SH3GL3: variants seen among roughly 807,000 people sequenced by gnomAD.
SH3GL3 encodes endophilin-A3.
Under a neutral mutation model 47.7 loss-of-function variants are expected in SH3GL3, and 33 were observed. That is an observed-to-expected ratio of 0.69 (90% CI 0.52 to 0.92). The LOEUF is 0.92. SH3GL3 is among the 40% of genes least tolerant of loss of function. The probability of loss-of-function intolerance (pLI) is 0.00; values close to 1 mark genes in which losing one functional copy is unlikely to be tolerated. For missense variants in SH3GL3, 363 were observed against 417.8 expected, an observed-to-expected ratio of 0.87 and a Z score of 1.14; for synonymous variants, 155 against 148.8, an observed-to-expected ratio of 1.04 and a Z score of -0.30.
chr15:83,519,074 T>TG (rs2043105077), intron 1 of SH3GL3, among the ~76,000 whole-genome samples: 1 of 152,200 alleles, frequency 6.6e-6, no homozygotes, highest in Non-Finnish European at 1.5e-5. Context: ...TACTGTAGCC[T>TG]TATAGTACTG....
intron 1 of SH3GL3, among the ~76,000 whole-genome samples, chr15:83,457,878 G>T (rs2040075479): frequency 6.6e-6 from 1 of 152,024 alleles, no homozygotes; most frequent in Non-Finnish European, 1.5e-5. Flanking sequence ...AGGACTTTTT[G>T]TTCTATAAAG....
In SH3GL3 at chr15:83,584,207, G is replaced by T. The variant is rs141859337; in HGVS notation, c.625-2776G>T. Among the ~76,000 whole-genome samples, 481 of 152,198 alleles carry T rather than the reference G, an allele frequency of 3.2e-3. 1 individual carries two copies. The highest frequency in any genetic ancestry group is 5.1e-3 in the Non-Finnish European group (345 of 68,008). Reference sequence around the variant, plus strand: ...ATTCTTCGCTTCCTCCCTCTTCACAGCCAGCGGCACAGCATCTTCACGTAT... The same window carrying T: ...ATTCTTCGCTTCCTCCCTCTTCACATCCAGCGGCACAGCATCTTCACGTAT... On this transcript the variant is annotated intron_variant, in intron 6 of 8. Transcript: ENST00000427482.
intron 1 of SH3GL3, among the ~76,000 whole-genome samples, chr15:83,534,776 C>T (rs2043832998): frequency 6.6e-6 from 1 of 152,088 alleles, no homozygotes; most frequent in Non-Finnish European, 1.5e-5. Context: ...TAGAATGACC[C>T]TCAAATACCA....
chr15:83,494,941 G>A (rs1324450879), intron 1 of SH3GL3, among the ~76,000 whole-genome samples: 3 of 152,126 alleles, frequency 2.0e-5, no homozygotes, highest in Non-Finnish European at 4.4e-5. Context: ...AGCGGAAGAG[G>A]GTGCTGTGGT....
chr15:83,582,911 C>T (rs1392593255), intron 6 of SH3GL3, among the ~76,000 whole-genome samples: 4 of 152,218 alleles, frequency 2.6e-5, no homozygotes, highest in Non-Finnish European at 5.9e-5. Flanking sequence ...CTTACTCAAA[C>T]TTTCTCAGAA....
chr15:83,626,111 C>T, the SH3GL3 span, among the ~76,000 whole-genome samples: 8 of 152,138 alleles, frequency 5.3e-5, no homozygotes, highest in African/African-American at 1.9e-4. Context: ...AGATTACAGG[C>T]ATGAGCTATC....
At position 83,447,719 on chromosome 15, in the gene SH3GL3, TG is replaced by T; in HGVS notation, c.45+145del. 3.6e-6 allele frequency: 2 copies of T among 548,250 alleles called. No individual in the cohort carries two copies. The highest frequency in any genetic ancestry group is 6.0e-6 in the Non-Finnish European group (2 of 330,794). 34.0% of individuals were successfully genotyped at this position (548,250 alleles called of 1,614,324 possible). A position where few individuals can be genotyped will look rare whatever the true frequency, so the allele number is the denominator to read the frequency against. On this transcript the variant is annotated intron_variant, in intron 1 of 8. Coordinates refer to ENST00000427482, the MANE Select transcript of SH3GL3 (RefSeq NM_003027.5). This position sits in a 1 kb window ranked among gnomAD's most constrained non-coding sequence, Gnocchi z 5.1. ...CTTCCCGCCTAGGAGGGCGCGAGGG[TG>T]GGGTGAGGGGCCGCCTGCTCTCTCC...
At chr15:83,496,226 G>T (rs1312219433) in intron 1 of SH3GL3, among the ~76,000 whole-genome samples, 1 of 151,680 alleles carries the variant, frequency 6.6e-6, no homozygotes, top group Non-Finnish European at 1.5e-5. Flanking sequence ...GCGTGGTGGT[G>T]CACGTGCCTG....
chr15:83,576,877 C>T (rs2059696122), intron 6 of SH3GL3, 136 bp downstream of exon 6: 2 of 384,652 alleles, frequency 5.2e-6, no homozygotes. Context: ...ACATAAAATA[C>T]ACTAATACTA....
At chr15:83,484,805 G>A (rs2041520073) in intron 1 of SH3GL3, among the ~76,000 whole-genome samples, 1 of 152,164 alleles carries the variant, frequency 6.6e-6, no homozygotes, top group African/African-American at 2.4e-5. Flanking sequence ...CTGACATGAA[G>A]CACATTTTCA....
rs187336359 is a variant in SH3GL3 at position 83,577,189 on chromosome 15, G to A, written c.624+448G>A. Among the ~76,000 whole-genome samples the A allele has an allele frequency of 2.6e-5, 4 of 152,134 alleles. No homozygotes were observed. In the East Asian group the frequency reaches 7.7e-4, roughly 29 times the overall value. ...CTCTCAAAGTGCTGGGATTAAAGGT[G>A]TGAGCCACCACCCCCGTCCAATCTC... On this transcript the variant is annotated intron_variant, in intron 6 of 8. Transcript: ENST00000427482.
chr15:83,528,562 T>C (rs1413775745), intron 1 of SH3GL3, among the ~76,000 whole-genome samples: 1 of 152,186 alleles, frequency 6.6e-6, no homozygotes, highest in Non-Finnish European at 1.5e-5. Flanking sequence ...AGTTCTGGAA[T>C]TCGTATGCTT....
chr15:83,623,908 C>G, the SH3GL3 span, among the ~76,000 whole-genome samples: 2 of 152,154 alleles, frequency 1.3e-5, no homozygotes, highest in Non-Finnish European at 2.9e-5. Context: ...GCCTCAGCCA[C>G]CTGAGTAGCT....
intron 1 of SH3GL3, among the ~76,000 whole-genome samples, chr15:83,557,846 A>C (rs965047935): frequency 1.3e-5 from 2 of 152,084 alleles, no homozygotes; most frequent in South Asian, 2.1e-4. Context: ...ATAGACTCCA[A>C]CTCTAGCTCG....
At chr15:83,595,752 T>G (rs1198796120) in intron 8 of SH3GL3, among the ~76,000 whole-genome samples, 1 of 152,106 alleles carries the variant, frequency 6.6e-6, no homozygotes, top group African/African-American at 2.4e-5. Flanking sequence ...ATTTATCCCT[T>G]TCATCTAAGT....
At chr15:83,527,136 G>T (rs1567304094) in intron 1 of SH3GL3, among the ~76,000 whole-genome samples, 1 of 152,050 alleles carries the variant, frequency 6.6e-6, no homozygotes, top group Non-Finnish European at 1.5e-5. Context: ...CTAAATATAA[G>T]ATTTTGTCAT....
At chr15:83,598,005 T>C (rs978516461) in intron 8 of SH3GL3, among the ~76,000 whole-genome samples, 12 of 152,256 alleles carry the variant, frequency 7.9e-5, no homozygotes, top group Admixed American at 5.9e-4. Context: ...TCTCATACAT[T>C]GATGATTCTT....
chr15:83,469,274 G>A (rs1009126819), intron 1 of SH3GL3, among the ~76,000 whole-genome samples: 1 of 151,944 alleles, frequency 6.6e-6, no homozygotes, highest in Non-Finnish European at 1.5e-5. Flanking sequence ...CAAAGAACTA[G>A]CCCTTTGTTT....
intron 1 of SH3GL3, among the ~76,000 whole-genome samples, chr15:83,487,728 G>T (rs1163965707): frequency 1.3e-5 from 2 of 152,100 alleles, no homozygotes; most frequent in Non-Finnish European, 2.9e-5. Flanking sequence ...CATATCTGAG[G>T]CCAGGGGCTG....
Sources: allele counts gnomAD v4.1 joint callset (sites outside exome capture counted in the v4.1 genomes callset), GRCh38; gene constraint gnomAD v4.1.1; non-coding constraint Gnocchi (gnomAD v3.1); transcripts MANE v1.5; gene names NCBI Gene and HGNC (gene_info 2026-07-23, HGNC 2026-07-21).